The following NRG1 variants were observed in gnomAD, a reference collection of about 807,000 sequenced individuals.
The protein encoded by NRG1 is pro-neuregulin-1, membrane-bound isoform.
Under a neutral mutation model 63.8 loss-of-function variants are expected in NRG1, and 18 were observed. The ratio of observed to expected loss-of-function variants is 0.28; its 90% CI spans 0.19 to 0.42. The LOEUF is 0.42. NRG1 is among the 10% of genes least tolerant of loss of function. The probability of loss-of-function intolerance (pLI) is 1.00; values close to 1 mark genes in which losing one functional copy is unlikely to be tolerated. For synonymous variants in NRG1, 302 were observed against 301.3 expected (o/e 1.00, Z -0.02); for missense variants, 762 against 814.7 (o/e 0.94, Z 0.79).
At chr8:32,739,504 T>C (rs1033609319) in intron 6 of NRG1, among the ~76,000 whole-genome samples, 4 of 152,198 alleles carry the variant, frequency 2.6e-5, no homozygotes, top group African/African-American at 4.8e-5. Context: ...GTTCTGGTGT[T>C]AGTGCACCCA....
upstream of NRG1, among the ~76,000 whole-genome samples, chr8:32,547,073 C>A (rs200575150): frequency 9.4e-4 from 143 of 152,328 alleles, no homozygotes; most frequent in Admixed American, 1.2e-3. Flanking sequence ...CCGACCACAA[C>A]ACAAGAGTAT....
intron 1 of NRG1, among the ~76,000 whole-genome samples, chr8:32,338,818 C>T (rs771845811): frequency 2.6e-5 from 4 of 152,066 alleles, no homozygotes; most frequent in Admixed American, 6.5e-5. Flanking sequence ...CTGTATACTC[C>T]GGAGAATGTT....
intron 1 of NRG1, among the ~76,000 whole-genome samples, chr8:31,866,550 C>T (rs74359947): frequency 2.5e-4 from 38 of 152,116 alleles, no homozygotes; most frequent in Non-Finnish European, 5.0e-4. Flanking sequence ...AGTCCAAATG[C>T]TATTTATTTC....
chr8:32,196,118 A>AGAGTGTGT (rs141020832), intron 1 of NRG1, among the ~76,000 whole-genome samples: 2 of 146,854 alleles, frequency 1.4e-5, no homozygotes, highest in Admixed American at 1.4e-4. Context: ...AAAAACAATG[A>AGAGTGTGT]GTGTGTGTGT....
chr8:32,456,777 C>T (rs1652037065), intron 1 of NRG1, among the ~76,000 whole-genome samples: 4 of 152,126 alleles, frequency 2.6e-5, no homozygotes, highest in Admixed American at 2.6e-4. Flanking sequence ...GTTGGACCCC[C>T]CCAGCATCCA....
At chr8:32,092,655 T>G (rs1829351570) in intron 1 of NRG1, among the ~76,000 whole-genome samples, 1 of 151,970 alleles carries the variant, frequency 6.6e-6, no homozygotes, top group Non-Finnish European at 1.5e-5. Flanking sequence ...GTTGTAATTT[T>G]TCATGTTCAG....
chr8:32,393,228 A>G (rs557479778), intron 1 of NRG1, among the ~76,000 whole-genome samples: 1 of 152,184 alleles, frequency 6.6e-6, no homozygotes, highest in African/African-American at 2.4e-5. Flanking sequence ...ACAAAATACC[A>G]TCTTCCTCTT....
intron 1 of NRG1, among the ~76,000 whole-genome samples, chr8:32,319,106 G>A (rs1163167437): frequency 6.6e-6 from 1 of 152,162 alleles, no homozygotes; most frequent in African/African-American, 2.4e-5. Flanking sequence ...TCTAACACCT[G>A]AGGAACACCT....
At chr8:32,409,481 TG>T (rs1814581759) in intron 1 of NRG1, among the ~76,000 whole-genome samples, 1 of 152,152 alleles carries the variant, frequency 6.6e-6, no homozygotes, top group Non-Finnish European at 1.5e-5. Flanking sequence ...ACATACAGGA[TG>T]GGTGAAAATA....
intron 1 of NRG1, among the ~76,000 whole-genome samples, chr8:32,552,176 T>C (rs1445192634): frequency 1.3e-5 from 2 of 151,288 alleles, no homozygotes; most frequent in East Asian, 3.9e-4. Flanking sequence ...CCCAAAGTGC[T>C]GGGATTACGG....
intron 1 of NRG1, among the ~76,000 whole-genome samples, chr8:32,593,161 T>A (rs1588551332): frequency 6.6e-6 from 1 of 151,970 alleles, no homozygotes; most frequent in Admixed American, 6.6e-5. Flanking sequence ...CAGAAGAAAA[T>A]TCATGTATAA....
intron 1 of NRG1, among the ~76,000 whole-genome samples, chr8:32,168,285 C>A (rs1839618459): frequency 6.6e-6 from 1 of 152,118 alleles, no homozygotes; most frequent in Non-Finnish European, 1.5e-5. Context: ...ATCAATTCAA[C>A]AAAAACTTAT....
chr8:31,639,998 G>C (rs1156678548), intron 1 of NRG1: 1 of 1,126,002 alleles, frequency 8.9e-7, no homozygotes, highest in Non-Finnish European at 1.1e-6. Context: ...AGATGGCGAC[G>C]CGCCCCGCGC....
chr8:32,467,435 T>C (rs930447249), intron 1 of NRG1, among the ~76,000 whole-genome samples: 18 of 152,194 alleles, frequency 1.2e-4, no homozygotes, highest in Non-Finnish European at 2.4e-4. Context: ...CGTAGGCTTG[T>C]CATCTCCTGA....
At chr8:32,079,920 A>C (rs979958899) in intron 1 of NRG1, among the ~76,000 whole-genome samples, 1 of 152,200 alleles carries the variant, frequency 6.6e-6, no homozygotes, top group South Asian at 2.1e-4. Flanking sequence ...TGTATATTAC[A>C]TGCATACAAA....
intron 1 of NRG1, among the ~76,000 whole-genome samples, chr8:32,336,038 C>G (rs927175179): frequency 6.6e-6 from 1 of 152,080 alleles, no homozygotes; most frequent in Non-Finnish European, 1.5e-5. Flanking sequence ...GGAAATTGTA[C>G]CCAAAGGACG....
In NRG1 at chr8:31,652,188, A is replaced by G. The variant is rs535275444; in HGVS notation, c.37+12757A>G. 2.6e-5 allele frequency among the ~76,000 whole-genome samples: 4 copies of G among 152,260 alleles called. No homozygotes were observed. The South Asian group carries it at 8.3e-4, about 32-fold the overall frequency. On this transcript the variant is annotated intron_variant, in intron 1 of 10. Transcript: ENST00000519301. The stretch of plus-strand genomic sequence containing the variant: ...ATATTTTTTAGTTACCTCAAACCAG[A>G]TACCTCTCCTGCTCCATACCAGATT...
chr8:31,990,923 A>G (rs1362803020), intron 1 of NRG1, among the ~76,000 whole-genome samples: 1 of 152,074 alleles, frequency 6.6e-6, no homozygotes, highest in African/African-American at 2.4e-5. Context: ...CTTCTCACCC[A>G]TTTCATACAG....
intron 1 of NRG1, among the ~76,000 whole-genome samples, chr8:31,748,025 T>G (rs1816068349): frequency 6.6e-6 from 1 of 151,970 alleles, no homozygotes; most frequent in Admixed American, 6.6e-5. Context: ...CAAGGTCAAC[T>G]TTTAACCATT....
Sources: allele counts gnomAD v4.1 joint callset (sites outside exome capture counted in the v4.1 genomes callset), GRCh38; gene constraint gnomAD v4.1.1; transcripts MANE v1.5; gene names NCBI Gene and HGNC (gene_info 2026-07-23, HGNC 2026-07-21).